Variants in CNTNAP1 observed in about 807,000 individuals in gnomAD.
CNTNAP1 encodes contactin-associated protein 1.
Under a neutral mutation model 161.5 loss-of-function variants are expected in CNTNAP1, and 80 were observed. That is an observed-to-expected ratio of 0.50 (90% CI 0.41 to 0.60). CNTNAP1 has a LOEUF of 0.60. Among genes scored for constraint, CNTNAP1 ranks in the 20% least tolerant of loss-of-function variants. The probability of loss-of-function intolerance (pLI) is 0.00; values close to 1 mark genes in which losing one functional copy is unlikely to be tolerated. For synonymous variants in CNTNAP1, 695 were observed against 733.1 expected, an observed-to-expected ratio of 0.95 and a Z score of 0.84; for missense variants, 1,464 against 1,854.8, an observed-to-expected ratio of 0.79 and a Z score of 3.87.
rs543390466 is a variant in CNTNAP1 at position 42,687,307 on chromosome 17, T to C, written c.1044+261T>C. ...TAAGGCGCAGACACAGGGAGTGGCT[T>C]GTCCAGGGGTCGTGCAGCTGCACGG... On this transcript the variant is annotated intron_variant, in intron 7 of 23. Coordinates refer to ENST00000264638, the MANE Select transcript of CNTNAP1 (RefSeq NM_003632.3). The surrounding 1 kb of genome is among the most constrained non-coding windows in gnomAD (Gnocchi z 4.7). 330 of 522,748 alleles carry C rather than the reference T, an allele frequency of 6.3e-4. No individual in the cohort carries two copies. The highest frequency in any genetic ancestry group is 2.0e-3 in the Admixed American group (60 of 29,592). 32.4% of individuals were successfully genotyped at this position (522,748 alleles called of 1,614,324 possible). A position where few individuals can be genotyped will look rare whatever the true frequency, so the allele number is the denominator to read the frequency against.
Position 42,686,913 on chromosome 17 carries a change from G to A in CNTNAP1, c.911G>A (p.Gly304Glu). ...CCACGCCTCCCGCAGATGTTCATCGGAGGTCTGGTGGGCGCCGCGCGGAAG... is the reference window on the plus strand; with the variant it reads ...CCACGCCTCCCGCAGATGTTCATCGAAGGTCTGGTGGGCGCCGCGCGGAAG... The part of the protein sequence containing the change: ...RLNLDTEMFI[G>E]GLVGAARKNL... The change falls in exon 7 of 24, where the codon GGA becomes GAA. Residue 304 changes from glycine (G) to glutamate (E), a missense_variant. By Grantham distance (98) the Gly-to-Glu change is moderately conservative. Around this residue, in one of 3 missense-constraint regions of CNTNAP1, gnomAD observed 1,383 missense variants for 1,765.0 expected, o/e 0.78. Transcript: ENST00000264638. 6.2e-7 allele frequency: 1 copy of A among 1,606,790 alleles called. No homozygotes were observed. Among genetic ancestry groups the A allele is most frequent in the Non-Finnish European group, 8.5e-7 (1 of 1,174,408 alleles).
At position 42,687,289 on chromosome 17, in the gene CNTNAP1, C is replaced by G. The variant is rs2053030142; in HGVS notation, c.1044+243C>G. ...GTTCATAGATGAAGAAAGTAAGGCGCAGACACAGGGAGTGGCTTGTCCAGG... is the reference window on the plus strand; with the variant it reads ...GTTCATAGATGAAGAAAGTAAGGCGGAGACACAGGGAGTGGCTTGTCCAGG... On this transcript the variant is annotated intron_variant, in intron 7 of 23. Coordinates refer to ENST00000264638, the MANE Select transcript of CNTNAP1 (RefSeq NM_003632.3). The surrounding 1 kb of genome is among the most constrained non-coding windows in gnomAD (Gnocchi z 4.7). The G allele has an allele frequency of 3.6e-6, 2 of 554,168 alleles. No individual in the cohort carries two copies. Among genetic ancestry groups the G allele is most frequent in the South Asian group, 5.1e-5 (2 of 39,350 alleles). 34.3% of individuals were successfully genotyped at this position (554,168 alleles called of 1,614,324 possible).
rs786204800 is a variant in CNTNAP1 at position 42,695,518 on chromosome 17, CAGAT to C, written c.2993-1_2995del. On this transcript the variant is annotated splice_acceptor_variant and coding_sequence_variant, in exon 19 of 24. Transcript: ENST00000264638. LOFTEE classifies it high-confidence loss of function. ...GCCCTAACCTCCCTGCTTCTACCTGCAGATATTGGTGGTTTCTTTGAGCCGGGCA... is the reference window on the plus strand; with the variant it reads ...GCCCTAACCTCCCTGCTTCTACCTGCATTGGTGGTTTCTTTGAGCCGGGCA... 6.3e-7 allele frequency: 1 copy of C among 1,597,790 alleles called. No homozygotes were observed.
Position 42,685,525 on chromosome 17 carries a change from C to T in CNTNAP1, c.715+105C>T. ...CATCCGCGCTCAGCCTGGTCTTCCA[C>T]TTCTCTAAGGCCTGGACCAAACTGC... On this transcript the variant is annotated intron_variant, in intron 5 of 23. Coordinates refer to ENST00000264638, the MANE Select transcript of CNTNAP1 (RefSeq NM_003632.3). This position sits in a 1 kb window ranked among gnomAD's most constrained non-coding sequence, Gnocchi z 5.0. The T allele has an allele frequency of 4.4e-6, 5 of 1,123,634 alleles. No individual in the cohort carries two copies. The highest frequency in any genetic ancestry group is 6.3e-6 in the Non-Finnish European group (5 of 790,650). 69.6% of individuals were successfully genotyped at this position (1,123,634 alleles called of 1,614,324 possible).
chr17:42,692,398 C>T (rs1026246869), intron 16 of CNTNAP1, 101 bp from the exon 17 acceptor site: 29 of 980,406 alleles, frequency 3.0e-5, no homozygotes, highest in Non-Finnish European at 4.5e-5. Flanking sequence ...ATTCAAGAAG[C>T]TCCAAAGAGG....
chr17:42,682,742 C>T lies in CNTNAP1; in HGVS notation c.-88C>T. ...GGAGAGAGCGGTCTGCTGCAAACCC[C>T]AGGAGGAGAGCTTGGAGCCCAAGCC... is the stretch of plus-strand genomic sequence containing the variant. On this transcript the variant is annotated 5_prime_UTR_variant, in exon 1 of 24. Transcript: ENST00000264638. 1 of 1,377,406 alleles carries T rather than the reference C, an allele frequency of 7.3e-7. No individual in the cohort carries two copies. The highest frequency in any genetic ancestry group is 1.0e-6 in the Non-Finnish European group (1 of 1,000,392). The allele number at this position is 1,377,406 out of a possible 1,614,324, so 85.3% of individuals were successfully genotyped here. A position where few individuals can be genotyped will look rare whatever the true frequency, so the allele number is the denominator to read the frequency against.
At position 42,687,216 on chromosome 17, in the gene CNTNAP1, C is replaced by T. The variant is rs1430445300; in HGVS notation, c.1044+170C>T. On this transcript the variant is annotated intron_variant, in intron 7 of 23. Transcript: ENST00000264638. This position sits in a 1 kb window ranked among gnomAD's most constrained non-coding sequence, Gnocchi z 4.7. ...GGTCTCACCTGAGGTGCATGAGCCACGCAGGCCCCTAGTTAAGAAGCAGTG... is the reference window on the plus strand; with the variant it reads ...GGTCTCACCTGAGGTGCATGAGCCATGCAGGCCCCTAGTTAAGAAGCAGTG... 1.8e-5 allele frequency: 14 copies of T among 797,984 alleles called. No homozygotes were observed. The highest frequency in any genetic ancestry group is 2.5e-5 in the Non-Finnish European group (13 of 521,686). The allele number at this position is 797,984 out of a possible 1,614,324, so 49.4% of individuals were successfully genotyped here. A position where few individuals can be genotyped will look rare whatever the true frequency, so the allele number is the denominator to read the frequency against.
At chr17:42,696,183 A>G (rs768489198) in intron 20 of CNTNAP1, 31 bp downstream of exon 20, 15 of 1,613,054 alleles carry the variant, frequency 9.3e-6, no homozygotes, top group Non-Finnish European at 1.2e-5. Flanking sequence ...GCCAGTTCAG[A>G]TCATAACCTC....
chr17:42,683,052 G>T, intron 1 of CNTNAP1, 156 bp downstream of exon 1: 1 of 743,778 alleles, frequency 1.3e-6, no homozygotes. Context: ...CCCGCGCTCC[G>T]CATTGCAGCT....
At chr17:42,683,538 A>C in intron 1 of CNTNAP1, 2 of 1,261,060 alleles carry the variant, frequency 1.6e-6, no homozygotes, top group Non-Finnish European at 2.0e-6. Flanking sequence ...GAGTTTGGGA[A>C]AGTACTAAAC....
intron 10 of CNTNAP1, 47 bp downstream of exon 10, chr17:42,689,094 C>A: frequency 6.6e-7 from 1 of 1,505,528 alleles, no homozygotes; most frequent in Non-Finnish European, 8.9e-7. Context: ...AAGCCCTCTT[C>A]CCTGGTCTCC....
In CNTNAP1 at chr17:42,687,105, GGT is replaced by G. The variant is rs1383113534; in HGVS notation, c.1044+61_1044+62del. The G allele has an allele frequency of 1.0e-5, 16 of 1,578,616 alleles. No individual in the cohort carries two copies. The highest frequency in any genetic ancestry group is 1.4e-5 in the Non-Finnish European group (16 of 1,155,614). Reference sequence around the variant, plus strand: ...ATCAAAGCGTCGTGGAAAGCAAAGAGGTGGAGCGGGAAGAGATATTGAACATC... The same window carrying G: ...ATCAAAGCGTCGTGGAAAGCAAAGAGGGAGCGGGAAGAGATATTGAACATC... On this transcript the variant is annotated intron_variant, in intron 7 of 23. Transcript: ENST00000264638. This position sits in a 1 kb window ranked among gnomAD's most constrained non-coding sequence, Gnocchi z 4.7.
chr17:42,698,818 T>TC lies in CNTNAP1; in HGVS notation c.4064dup (p.Ala1356SerfsTer29). On this transcript the variant is annotated frameshift_variant, in exon 24 of 24. Coordinates refer to ENST00000264638, the MANE Select transcript of CNTNAP1 (RefSeq NM_003632.3). LOFTEE classifies it high-confidence loss of function. ...AGCAGCTCCCAACCAAGCTCCAGCCTCAGCCCCAGCCCCAGCCCCAACTCC... is the reference window on the plus strand; with the variant it reads ...AGCAGCTCCCAACCAAGCTCCAGCCTCCAGCCCCAGCCCCAGCCCCAACTCC... 2.5e-6 allele frequency: 4 copies of TC among 1,603,252 alleles called. No individual in the cohort carries two copies. In the South Asian group the frequency reaches 4.4e-5, roughly 18 times the overall value.
rs1290075200 is a variant in CNTNAP1, at chr17:42,685,034, A to G, written c.407A>G (p.Asp136Gly). ...AACGAGTCGGCGGTGGTGCGCCATG[A>G]CCTGCACTTCCACTTCACTGCGCGC... Reference protein sequence around the residue: ...NVNESAVVRHDLHFHFTARYI... With the variant: ...NVNESAVVRHGLHFHFTARYI... Residue 136 changes from aspartate (D) to glycine (G), a missense_variant, in exon 4 of 24, where the codon GAC (aspartate) becomes GGC (glycine). Asp to Gly is a moderately conservative substitution (Grantham distance 94). Transcript: ENST00000264638. This position sits in a 1 kb window ranked among gnomAD's most constrained non-coding sequence, Gnocchi z 5.0. The G allele has an allele frequency of 6.3e-7, 1 of 1,595,214 alleles. No individual in the cohort carries two copies. Among genetic ancestry groups the G allele is most frequent in the East Asian group, 2.2e-5 (1 of 44,820 alleles).
chr17:42,682,904 T>C lies in CNTNAP1; in HGVS notation c.67+8T>C. ...CCGAGGGCTGGGGCTACTGTGAGTG[T>C]TGGGCTTGGAGGCAGGTGGGGTTGG... On this transcript the variant is annotated splice_region_variant and intron_variant, in intron 1 of 23. Coordinates refer to ENST00000264638, the MANE Select transcript of CNTNAP1 (RefSeq NM_003632.3). 1.3e-6 allele frequency: 2 copies of C among 1,597,334 alleles called. No individual in the cohort carries two copies. Among genetic ancestry groups the C allele is most frequent in the Non-Finnish European group, 1.7e-6 (2 of 1,173,192 alleles).
At chr17:42,688,797 G>A (rs1452628491) in intron 9 of CNTNAP1, 79 bp from the exon 10 acceptor site, 2 of 1,561,322 alleles carry the variant, frequency 1.3e-6, no homozygotes, top group East Asian at 2.2e-5. Flanking sequence ...CTTTATGTCT[G>A]GCTCCCCCTC....
chr17:42,689,679 G>C, intron 11 of CNTNAP1, 52 bp downstream of exon 11: 1 of 1,426,254 alleles, frequency 7.0e-7, no homozygotes, highest in Non-Finnish European at 9.9e-7. Flanking sequence ...GTCAATAGAA[G>C]GTTGCTGGGG....
At position 42,692,630 on chromosome 17, in the gene CNTNAP1, C is replaced by G. The variant is rs368166689; in HGVS notation, c.2662C>G (p.Arg888Gly). ...GGCTGAAATCAACGTGAAGCAGGCC[C>G]GGCTCCGAGTGGATCACCGGCCCTG... ...VRAEINVKQA[R>G]LRVDHRPWVL... The change falls in exon 17 of 24, where the codon CGG (arginine) becomes GGG (glycine). Residue 888 changes from arginine (R) to glycine (G), a missense_variant. Around this residue, in one of 3 missense-constraint regions of CNTNAP1, gnomAD observed 1,383 missense variants for 1,765.0 expected, o/e 0.78. Transcript: ENST00000264638. 5.0e-6 allele frequency: 8 copies of G among 1,614,190 alleles called. No homozygotes were observed. The highest frequency in any genetic ancestry group is 3.3e-4 in the Middle Eastern group (2 of 6,062).
At chr17:42,683,517 G>T in intron 1 of CNTNAP1, 1 of 1,233,198 alleles carries the variant, frequency 8.1e-7, no homozygotes. Flanking sequence ...AAGATGCTGA[G>T]GTTTAGGATT....
Sources: gnomAD v4.1 joint callset for allele counts on GRCh38, gnomAD v4.1.1 for gene constraint, gnomAD v4.1.1 regional missense constraint, Gnocchi (gnomAD v3.1) non-coding constraint, MANE v1.5 for transcripts, NCBI Gene and HGNC (gene_info 2026-07-23, HGNC 2026-07-21) for gene names.